CRISPLD2: variants seen among roughly 807,000 people sequenced by gnomAD.
CRISPLD2 encodes the protein cysteine rich secretory protein LCCL domain containing 2.
CRISPLD2 carries 47 observed loss-of-function variants against 71.1 expected under a neutral mutation model. The observed-to-expected ratio is 0.66, with a 90% confidence interval of 0.52 to 0.84. The LOEUF is 0.84. CRISPLD2 is among the 40% of genes least tolerant of loss of function. CRISPLD2 has a pLI of 0.00. For missense variants in CRISPLD2, 830 were observed against 651.1 expected (o/e 1.27, Z -2.99); for synonymous variants, 317 against 250.1 (o/e 1.27, Z -2.52).
At chr16:84,824,603 A>G (rs915113568) in intron 1 of CRISPLD2, among the ~76,000 whole-genome samples, 1 of 152,166 alleles carries the variant, frequency 6.6e-6, no homozygotes, top group Non-Finnish European at 1.5e-5. Flanking sequence ...TTTACAACAA[A>G]GAGCAAGCAT....
intron 6 of CRISPLD2, among the ~76,000 whole-genome samples, chr16:84,858,320 G>T (rs1255793355): frequency 1.3e-5 from 2 of 152,286 alleles, no homozygotes; most frequent in African/African-American, 4.8e-5. Flanking sequence ...TGATAAATGA[G>T]CCAGAGTAAC....
intron 14 of CRISPLD2, 139 bp downstream of exon 14, chr16:84,889,502 A>T: frequency 2.6e-6 from 2 of 777,712 alleles, no homozygotes; most frequent in Non-Finnish European, 3.7e-6. Context: ...CAGGACTCCC[A>T]GGTAAGAGAC....
At chr16:84,844,712 T>G (rs1916864860) in intron 2 of CRISPLD2, among the ~76,000 whole-genome samples, 1 of 152,164 alleles carries the variant, frequency 6.6e-6, no homozygotes, top group African/African-American at 2.4e-5. Context: ...TCCATTCATC[T>G]CGGGGCCCTT....
At chr16:84,854,862 A>C in intron 6 of CRISPLD2, 33 bp downstream of exon 6, 1 of 1,534,986 alleles carries the variant, frequency 6.5e-7, no homozygotes, top group East Asian at 2.2e-5. Flanking sequence ...TTTTGCAATG[A>C]ATTTGCCCTC....
rs961766970 is a variant in CRISPLD2 at position 84,901,936 on chromosome 16, G to C, written c.1440-4652G>C. Among the ~76,000 whole-genome samples, 12 of 151,518 alleles carry C rather than the reference G, an allele frequency of 7.9e-5. 1 individual carries two copies. Among genetic ancestry groups the C allele is most frequent in the East Asian group, 3.9e-4 (2 of 5,132 alleles). On this transcript the variant is annotated intron_variant, in intron 14 of 14. Coordinates refer to ENST00000262424, the MANE Select transcript of CRISPLD2 (RefSeq NM_031476.4). Reference sequence around the variant, plus strand: ...AGCCTCCCAAGTAGCTGGGATTACAGGCACCTGCTACCACACCCAGCTAAT... The same window carrying C: ...AGCCTCCCAAGTAGCTGGGATTACACGCACCTGCTACCACACCCAGCTAAT...
intron 2 of CRISPLD2, among the ~76,000 whole-genome samples, chr16:84,840,277 C>A (rs1299416323): frequency 6.6e-6 from 1 of 152,174 alleles, no homozygotes; most frequent in Non-Finnish European, 1.5e-5. Context: ...GTGGCTATTA[C>A]GTGCCACGTG....
chr16:84,852,381 A>G (rs992911179), intron 5 of CRISPLD2, among the ~76,000 whole-genome samples: 4 of 152,100 alleles, frequency 2.6e-5, no homozygotes, highest in African/African-American at 9.7e-5. Flanking sequence ...CCACCATTCT[A>G]GCATCTTTCC....
At chr16:84,861,411 C>G (rs1917377422) in intron 6 of CRISPLD2, among the ~76,000 whole-genome samples, 1 of 152,140 alleles carries the variant, frequency 6.6e-6, no homozygotes, top group South Asian at 2.1e-4. Context: ...AGCCGAGGAG[C>G]AAGGAAGCCA....
At chr16:84,866,037 C>A (rs1006648841) in intron 6 of CRISPLD2, among the ~76,000 whole-genome samples, 7 of 152,006 alleles carry the variant, frequency 4.6e-5, no homozygotes, top group African/African-American at 1.7e-4. Context: ...GTTAAGTGAC[C>A]CTGACTGGCA....
At position 84,873,801 on chromosome 16, in the gene CRISPLD2, A is replaced by G. The variant is rs2071495349; in HGVS notation, c.1113-119A>G. On this transcript the variant is annotated intron_variant, in intron 10 of 14. Coordinates refer to ENST00000262424, the MANE Select transcript of CRISPLD2 (RefSeq NM_031476.4). Reference sequence around the variant, plus strand: ...GCTCTCAGGCTGATAGGAAACAAGTAGAAAAGTGTGAAGTCGAGACTGCAA... The same window carrying G: ...GCTCTCAGGCTGATAGGAAACAAGTGGAAAAGTGTGAAGTCGAGACTGCAA... The G allele has an allele frequency of 6.4e-6, 6 of 933,806 alleles. No homozygotes were observed. The South Asian group carries it at 1.0e-4, about 16-fold the overall frequency. 57.8% of individuals were successfully genotyped at this position (933,806 alleles called of 1,614,324 possible).
intron 6 of CRISPLD2, among the ~76,000 whole-genome samples, chr16:84,866,321 C>T (rs1248126001): frequency 1.3e-5 from 2 of 151,898 alleles, no homozygotes; most frequent in African/African-American, 4.8e-5. Flanking sequence ...GCAACCTCCA[C>T]CTACCGGCTT....
intron 6 of CRISPLD2, among the ~76,000 whole-genome samples, chr16:84,859,742 C>T (rs898540350): frequency 3.9e-5 from 6 of 152,236 alleles, no homozygotes; most frequent in African/African-American, 1.4e-4. Flanking sequence ...TAGCCAATGA[C>T]AGGACTCTAC....
chr16:84,832,695 A>C (rs1916518293), intron 1 of CRISPLD2, among the ~76,000 whole-genome samples: 1 of 152,242 alleles, frequency 6.6e-6, no homozygotes, highest in Admixed American at 6.5e-5. Context: ...CTGTGGGAAC[A>C]GCATGTGCAA....
rs1597492283 is a variant in CRISPLD2 at position 84,908,309 on chromosome 16, A to G, written c.*1667A>G. 6.6e-6 allele frequency: 1 copy of G among 152,248 alleles called. No homozygotes were observed. Among genetic ancestry groups the G allele is most frequent in the Non-Finnish European group, 1.5e-5 (1 of 68,042 alleles). The allele number at this position is 152,248 out of a possible 1,614,324, so 9.4% of individuals were successfully genotyped here. ...GTGCATTGTAGTCTAGTCGTAATTC[A>G]TAGGTACTGACTCCTCAGCCCCAAA... On this transcript the variant is annotated 3_prime_UTR_variant, in exon 15 of 15. Transcript: ENST00000262424.
chr16:84,900,774 G>A (rs147899069), intron 14 of CRISPLD2, among the ~76,000 whole-genome samples: 2 of 152,184 alleles, frequency 1.3e-5, no homozygotes, highest in African/African-American at 2.4e-5. Context: ...TAGAAAACAC[G>A]GGCTCAATGG....
intron 10 of CRISPLD2, chr16:84,873,584 T>C (rs1597471648): frequency 4.2e-6 from 1 of 235,354 alleles, no homozygotes; most frequent in East Asian, 9.4e-5. Context: ...ATGATATTAA[T>C]AATAACTTCT....
chr16:84,885,395 A>G (rs2071603600), intron 13 of CRISPLD2, among the ~76,000 whole-genome samples: 1 of 152,180 alleles, frequency 6.6e-6, no homozygotes, highest in South Asian at 2.1e-4. Context: ...GAGAATTGAG[A>G]AGTTGTGGAT....
At chr16:84,864,328 C>T (rs77079259) in intron 6 of CRISPLD2, among the ~76,000 whole-genome samples, 28 of 152,304 alleles carry the variant, frequency 1.8e-4, no homozygotes, top group African/African-American at 4.3e-4. Context: ...TCTGTCTGCC[C>T]ATTTTCTTAA....
chr16:84,857,901 G>T (rs1463546079), intron 6 of CRISPLD2, among the ~76,000 whole-genome samples: 12 of 152,172 alleles, frequency 7.9e-5, no homozygotes, highest in Admixed American at 7.9e-4. Context: ...ATTTGATGAT[G>T]GAATGCTGCT....
Sources: gnomAD v4.1 joint callset for allele counts (sites outside exome capture counted in the v4.1 genomes callset) on GRCh38, gnomAD v4.1.1 for gene constraint, MANE v1.5 for transcripts, NCBI Gene and HGNC (gene_info 2026-07-23, HGNC 2026-07-21) for gene names.